Variants in ULK4 observed in about 807,000 individuals in gnomAD.
ULK4 encodes the protein inactive serine/threonine-protein kinase ULK4.
A neutral mutation model predicts 160.6 loss-of-function variants in ULK4; 133 were observed. That is an observed-to-expected ratio of 0.83 (90% CI 0.72 to 0.96). ULK4 has a LOEUF of 0.96. ULK4 is among the 40% of genes least tolerant of loss of function. ULK4 has a pLI of 0.00. For missense variants in ULK4, 1,580 were observed against 1,499.5 expected (o/e 1.05, Z -0.89); for synonymous variants, 534 against 539.8 (o/e 0.99, Z 0.15).
intron 17 of ULK4, among the ~76,000 whole-genome samples, chr3:41,856,383 T>G (rs1252363269): frequency 6.6e-6 from 1 of 151,094 alleles, no homozygotes; most frequent in Admixed American, 6.6e-5. Flanking sequence ...AAACACTGTG[T>G]CTGATGTAAA....
At chr3:41,436,723 C>T (rs1021536275) in intron 34 of ULK4, among the ~76,000 whole-genome samples, 1 of 152,168 alleles carries the variant, frequency 6.6e-6, no homozygotes, top group African/African-American at 2.4e-5. Flanking sequence ...CACGTCCTTT[C>T]ATAGTAATTA....
intron 30 of ULK4, among the ~76,000 whole-genome samples, chr3:41,646,753 A>C (rs376795057): frequency 6.6e-6 from 1 of 152,144 alleles, no homozygotes; most frequent in Non-Finnish European, 1.5e-5. Flanking sequence ...TTGCTAGATT[A>C]GGGAAGTTCT....
intron 23 of ULK4, among the ~76,000 whole-genome samples, chr3:41,717,443 G>A (rs529373681): frequency 2.6e-5 from 4 of 151,946 alleles, no homozygotes; most frequent in African/African-American, 9.6e-5. Context: ...CCAATTTTAA[G>A]CAATTAAACC....
At chr3:41,916,095 A>C in intron 7 of ULK4, 43 bp from the exon 8 acceptor site, 3 of 1,245,124 alleles carry the variant, frequency 2.4e-6, no homozygotes, top group Non-Finnish European at 3.4e-6. Flanking sequence ...TAAGTAGTAA[A>C]TACATATCAA....
At chr3:41,793,812 C>T (rs576677635) in intron 20 of ULK4, among the ~76,000 whole-genome samples, 25 of 152,268 alleles carry the variant, frequency 1.6e-4, no homozygotes, top group Non-Finnish European at 3.2e-4. Context: ...TTTATCTATT[C>T]AACACATTCC....
intron 34 of ULK4, among the ~76,000 whole-genome samples, chr3:41,409,415 C>T (rs374630568): frequency 1.3e-5 from 2 of 152,046 alleles, no homozygotes; most frequent in African/African-American, 4.8e-5. Flanking sequence ...AACTGATTTG[C>T]TATAAAGGAT....
intron 35 of ULK4, among the ~76,000 whole-genome samples, chr3:41,255,373 C>T (rs956657403): frequency 2.0e-5 from 3 of 152,072 alleles, no homozygotes; most frequent in Non-Finnish European, 2.9e-5. Context: ...ATCCCAGCTA[C>T]TTGGGAGGCC....
At chr3:41,365,882 TTTC>T (rs1281834826) in intron 35 of ULK4, among the ~76,000 whole-genome samples, 3 of 152,188 alleles carry the variant, frequency 2.0e-5, no homozygotes, top group Non-Finnish European at 4.4e-5. Context: ...GATGACTGAT[TTTC>T]TTGATTAAAG....
At position 41,773,890 on chromosome 3, in the gene ULK4, C is replaced by T. The variant is rs538461965; in HGVS notation, c.2193+15771G>A. 7.4e-4 allele frequency among the ~76,000 whole-genome samples: 112 copies of T among 152,196 alleles called. 1 individual carries two copies. Among genetic ancestry groups the T allele is most frequent in the African/African-American group, 2.2e-3 (91 of 41,520 alleles). On this transcript the variant is annotated intron_variant, in intron 21 of 36. Transcript: ENST00000301831. Reference sequence around the variant, plus strand: ...AAAACAGAGATATAGACCAATGGAACAGAACAGAGCCCTCAGAAATAATGC... The same window carrying T: ...AAAACAGAGATATAGACCAATGGAATAGAACAGAGCCCTCAGAAATAATGC...
At chr3:41,920,308 T>C (rs1263214397) in intron 5 of ULK4, among the ~76,000 whole-genome samples, 2 of 152,102 alleles carry the variant, frequency 1.3e-5, no homozygotes, top group Non-Finnish European at 2.9e-5. Flanking sequence ...CTCCTAAAAT[T>C]CCCATCTCAA....
chr3:41,385,237 G>A (rs776665617), intron 35 of ULK4, among the ~76,000 whole-genome samples: 12 of 152,096 alleles, frequency 7.9e-5, no homozygotes, highest in Admixed American at 2.0e-4. Flanking sequence ...ACAGGTGCCC[G>A]TCCTATGATT....
At chr3:41,570,509 A>C (rs982470860) in intron 31 of ULK4, among the ~76,000 whole-genome samples, 27 of 24,468 alleles carry the variant, frequency 1.1e-3, no homozygotes, top group Non-Finnish European at 2.4e-3. Flanking sequence ...GGAGCTAATA[A>C]ATCTTTTATT....
intron 30 of ULK4, among the ~76,000 whole-genome samples, chr3:41,627,186 C>T (rs746163279): frequency 6.6e-5 from 10 of 152,092 alleles, no homozygotes; most frequent in African/African-American, 1.2e-4. Flanking sequence ...CTACCCCCAC[C>T]TTAGTCCTAT....
chr3:41,710,104 C>CAT (rs890731292), intron 25 of ULK4, among the ~76,000 whole-genome samples: 26 of 151,604 alleles, frequency 1.7e-4, no homozygotes, highest in African/African-American at 2.4e-4. Context: ...GTCTTTTTCA[C>CAT]ATATATATAT....
chr3:41,544,817 C>T (rs1629284), intron 32 of ULK4, among the ~76,000 whole-genome samples: 10 of 152,156 alleles, frequency 6.6e-5, no homozygotes, highest in Non-Finnish European at 1.0e-4. Flanking sequence ...AATTTTTAGT[C>T]GGGGGTTCCA....
At chr3:41,500,250 G>A (rs1444289488) in intron 32 of ULK4, among the ~76,000 whole-genome samples, 1 of 140,952 alleles carries the variant, frequency 7.1e-6, no homozygotes, top group Non-Finnish European at 1.5e-5. Flanking sequence ...TTCCTAAATT[G>A]CAAGCCTAGC....
intron 22 of ULK4, 49 bp from the exon 23 acceptor site, chr3:41,717,910 T>C: frequency 6.4e-7 from 1 of 1,574,410 alleles, no homozygotes; most frequent in South Asian, 1.2e-5. Flanking sequence ...AAACACTTGA[T>C]AGCATCTATC....
chr3:41,644,272 GTTTTCAAAGGGAATGCTTCCAGTT>G (rs1230810790), intron 30 of ULK4, among the ~76,000 whole-genome samples: 1 of 151,766 alleles, frequency 6.6e-6, no homozygotes, highest in Non-Finnish European at 1.5e-5. Flanking sequence ...TCTTGTGCCA[GTTTTCAAAGGGAATGCTTCCAGTT>G]TTTGCCCATT....
chr3:41,553,065 A>T (rs1230920412), intron 32 of ULK4, among the ~76,000 whole-genome samples: 5 of 152,026 alleles, frequency 3.3e-5, no homozygotes, highest in African/African-American at 1.2e-4. Context: ...GAAGAATAAA[A>T]CTCAACTGTT....
Sources: allele counts gnomAD v4.1 joint callset (sites outside exome capture counted in the v4.1 genomes callset), GRCh38; gene constraint gnomAD v4.1.1; transcripts MANE v1.5; gene names NCBI Gene and HGNC (gene_info 2026-07-23, HGNC 2026-07-21).